Variants in P2RX3 observed in about 807,000 individuals in gnomAD.
The protein encoded by P2RX3 is purinergic receptor P2X 3, also known as P2X purinoceptor 3.
P2RX3 carries 41 observed loss-of-function variants against 51.5 expected under a neutral mutation model. The observed-to-expected ratio is 0.80, with a 90% CI of 0.62 to 1.03. The LOEUF (loss-of-function observed/expected upper bound fraction) is 1.03, where lower values mean the gene tolerates loss of function less well. Among genes scored for constraint, P2RX3 ranks in the 50% least tolerant of loss-of-function variants. The pLI, the probability that P2RX3 is intolerant of heterozygous loss-of-function variation, is 0.00. For synonymous variants in P2RX3, 185 were observed against 191.6 expected, an observed-to-expected ratio of 0.97 and a Z score of 0.29; for missense variants, 459 against 522.1, an observed-to-expected ratio of 0.88 and a Z score of 1.18.
At chr11:57,368,203 G>T in intron 9 of P2RX3, 101 bp downstream of exon 9, 1 of 1,375,770 alleles carries the variant, frequency 7.3e-7, no homozygotes, top group Non-Finnish European at 1.0e-6. Context: ...GTCTGCTGCT[G>T]GCCAGCTTTG....
rs911735535 is a variant in P2RX3, at chr11:57,347,966, G to A, written c.392-204G>A. 1.3e-5 allele frequency among the ~76,000 whole-genome samples: 2 copies of A among 152,180 alleles called. 1 individual carries two copies. The highest frequency in any genetic ancestry group is 4.1e-4 in the South Asian group (2 of 4,832). On this transcript the variant is annotated intron_variant, in intron 4 of 11. Transcript: ENST00000263314. ...GTCCTCAGGGTTGCTGGGGCTCGGAGCACATGAAAGGAAGGCTGTCACCTC... is the reference window on the plus strand; with the variant it reads ...GTCCTCAGGGTTGCTGGGGCTCGGAACACATGAAAGGAAGGCTGTCACCTC...
intron 1 of P2RX3, among the ~76,000 whole-genome samples, chr11:57,340,985 G>A (rs1856329107): frequency 6.6e-6 from 1 of 152,166 alleles, no homozygotes; most frequent in Non-Finnish European, 1.5e-5. Flanking sequence ...ACGGTGGATG[G>A]GAACACACAC....
At chr11:57,360,814 A>AAG (rs1491084774) in intron 8 of P2RX3, among the ~76,000 whole-genome samples, 1 of 151,188 alleles carries the variant, frequency 6.6e-6, no homozygotes, top group East Asian at 1.9e-4. Flanking sequence ...AAAGAAAAAA[A>AAG]GAAAGAAAAA....
Position 57,350,978 on chromosome 11 carries a change from C to T in P2RX3, c.842+80C>T. ...AATGTTTATTGGGGAGACAAGATCCCACATCCATCCACCCACCCCTGGCCC... is the reference window on the plus strand; with the variant it reads ...AATGTTTATTGGGGAGACAAGATCCTACATCCATCCACCCACCCCTGGCCC... On this transcript the variant is annotated intron_variant, in intron 8 of 11. Transcript: ENST00000263314. 14 of 1,587,002 alleles carry T rather than the reference C, an allele frequency of 8.8e-6. No homozygotes were observed. The South Asian group carries it at 1.6e-4, about 18-fold the overall frequency.
intron 10 of P2RX3, among the ~76,000 whole-genome samples, chr11:57,368,818 C>G (rs10896611): frequency 0.36 from 54,302 of 151,992 alleles, 11,699 homozygotes; most frequent in East Asian, 0.65. Flanking sequence ...GGGACTTCCA[C>G]CCTTCCACCC....
At chr11:57,342,670 G>T (rs1856362794) in intron 1 of P2RX3, among the ~76,000 whole-genome samples, 1 of 152,120 alleles carries the variant, frequency 6.6e-6, no homozygotes, top group African/African-American at 2.4e-5. Flanking sequence ...CTCCCTGGGA[G>T]TTATAGGGAG....
intron 8 of P2RX3, among the ~76,000 whole-genome samples, chr11:57,356,823 C>T (rs1314744104): frequency 6.6e-6 from 1 of 152,216 alleles, no homozygotes; most frequent in Non-Finnish European, 1.5e-5. Flanking sequence ...TTTTCTTCAT[C>T]ATTTTTAGGT....
At chr11:57,349,298 CAAA>C (rs34340558) in intron 6 of P2RX3, among the ~76,000 whole-genome samples, 6 of 122,634 alleles carry the variant, frequency 4.9e-5, no homozygotes, top group Admixed American at 8.3e-5. Flanking sequence ...CTGTCTGTAC[CAAA>C]AAAAAAAAAA....
intron 1 of P2RX3, among the ~76,000 whole-genome samples, chr11:57,344,468 G>A (rs948660533): frequency 6.6e-6 from 1 of 152,210 alleles, no homozygotes; most frequent in Non-Finnish European, 1.5e-5. Context: ...GGAGGCCAAG[G>A]CAGGCAGATC....
chr11:57,370,066 G>GC lies in P2RX3; in HGVS notation c.*69_*70insC, dbSNP rs1162364344. 5.2e-6 allele frequency: 5 copies of GC among 963,128 alleles called. No individual in the cohort carries two copies. In the East Asian group the frequency reaches 8.7e-5, roughly 17 times the overall value. 59.7% of individuals were successfully genotyped at this position (963,128 alleles called of 1,614,324 possible). A position where few individuals can be genotyped will look rare whatever the true frequency, so the allele number is the denominator to read the frequency against. ...CCCACAGAGGACCCTGCCTGAGCAAGGGGCATGGGAGGGAAGAGGGGCTCT... is the reference window on the plus strand; with the variant it reads ...CCCACAGAGGACCCTGCCTGAGCAAGCGGGCATGGGAGGGAAGAGGGGCTCT... On this transcript the variant is annotated 3_prime_UTR_variant, in exon 12 of 12. Coordinates refer to ENST00000263314, the MANE Select transcript of P2RX3 (RefSeq NM_002559.5).
upstream of P2RX3, chr11:57,335,993 A>G (rs1039078481): frequency 6.6e-6 from 1 of 152,182 alleles, no homozygotes; most frequent in Non-Finnish European, 1.5e-5. The surrounding 1 kb of genome is among the most constrained non-coding windows in gnomAD (Gnocchi z 4.6). Flanking sequence ...GTTGCCGTGA[A>G]GCCTCTCTCA....
At position 57,370,362 on chromosome 11, in the gene P2RX3, A is replaced by C; in HGVS notation, c.*365A>C. 1.1e-5 allele frequency: 2 copies of C among 188,116 alleles called. No individual in the cohort carries two copies. Among genetic ancestry groups the C allele is most frequent in the East Asian group, 1.4e-4 (1 of 6,918 alleles). The allele number at this position is 188,116 out of a possible 1,614,324, so 11.7% of individuals were successfully genotyped here. On this transcript the variant is annotated 3_prime_UTR_variant, in exon 12 of 12. Coordinates refer to ENST00000263314, the MANE Select transcript of P2RX3 (RefSeq NM_002559.5). ...GTTATCTCATTTAATCCTTAGAATA[A>C]TCCTATGAGGTAGATATTAGTTTCC...
chr11:57,348,676 A>G lies in P2RX3; in HGVS notation c.535A>G (p.Ile179Val). The G allele has an allele frequency of 6.2e-7, 1 of 1,613,878 alleles. No individual in the cohort carries two copies. The highest frequency in any genetic ancestry group is 8.5e-7 in the Non-Finnish European group (1 of 1,179,942). The change falls in exon 6 of 12, where the codon ATC becomes GTC. Residue 179 changes from isoleucine to valine, a missense_variant. Coordinates refer to ENST00000263314, the MANE Select transcript of P2RX3 (RefSeq NM_002559.5). Reference sequence around the variant, plus strand: ...CTTCACTATTTTCATCAAGAACAGCATCCGTTTCCCCCTCTTCAACTTTGA... The same window carrying G: ...CTTCACTATTTTCATCAAGAACAGCGTCCGTTTCCCCCTCTTCAACTTTGA... ...ENFTIFIKNSIRFPLFNFEKG... is the reference protein window; with the variant it reads ...ENFTIFIKNSVRFPLFNFEKG...
At chr11:57,345,114 T>G (rs1856408758) in intron 1 of P2RX3, among the ~76,000 whole-genome samples, 2 of 152,214 alleles carry the variant, frequency 1.3e-5, no homozygotes, top group African/African-American at 2.4e-5. Flanking sequence ...CTCGCCCACC[T>G]CCTTATAGAA....
chr11:57,348,685 C>T lies in P2RX3; in HGVS notation c.544C>T (p.Pro182Ser), dbSNP rs1180051354. ...TTTCATCAAGAACAGCATCCGTTTC[C>T]CCCTCTTCAACTTTGAGAAGTGAGT... is the stretch of plus-strand genomic sequence containing the variant. Reference protein sequence around the residue: ...TIFIKNSIRFPLFNFEKGNLL... With the variant: ...TIFIKNSIRFSLFNFEKGNLL... The change falls in exon 6 of 12, where the codon CCC becomes TCC. Residue 182 changes from proline to serine, a missense_variant. Physicochemically the swap from Pro to Ser is moderately conservative, Grantham distance 74. Coordinates refer to ENST00000263314, the MANE Select transcript of P2RX3 (RefSeq NM_002559.5). 5 of 1,613,470 alleles carry T rather than the reference C, an allele frequency of 3.1e-6. No homozygotes were observed. The highest frequency in any genetic ancestry group is 3.4e-6 in the Non-Finnish European group (4 of 1,179,844).
Position 57,369,374 on chromosome 11 carries a change from G to A in P2RX3, c.1016G>A (p.Cys339Tyr), listed in dbSNP as rs1359821710. 3.1e-6 allele frequency: 5 copies of A among 1,610,622 alleles called. No homozygotes were observed. Among genetic ancestry groups the A allele is most frequent in the Non-Finnish European group, 4.2e-6 (5 of 1,178,612 alleles). The change falls in exon 11 of 12, where the codon TGT (cysteine) becomes TAT (tyrosine). Residue 339 changes from cysteine to tyrosine, a missense_variant. Cys to Tyr is a radical substitution (Grantham distance 194). Coordinates refer to ENST00000263314, the MANE Select transcript of P2RX3 (RefSeq NM_002559.5). ...FTSVGVGTVL[C>Y]DIILLNFLKG... ...CTCCTCCTCCAGGGAACTGTTCTCT[G>A]TGACATCATCCTGCTCAACTTCCTC...
At chr11:57,346,372 G>A (rs774782503) in intron 1 of P2RX3, among the ~76,000 whole-genome samples, 172 bp from the exon 2 acceptor site, 2 of 152,196 alleles carry the variant, frequency 1.3e-5, no homozygotes, top group Non-Finnish European at 2.9e-5. Context: ...GTGGAGAAAC[G>A]CTATTCTAAG....
intron 6 of P2RX3, among the ~76,000 whole-genome samples, 163 bp downstream of exon 6, chr11:57,348,867 G>A (rs1266560386): frequency 1.3e-5 from 2 of 152,120 alleles, no homozygotes; most frequent in Non-Finnish European, 2.9e-5. Context: ...GCGGGCCTTG[G>A]CCACTGAGGA....
chr11:57,351,360 G>A (rs970429117), intron 8 of P2RX3, among the ~76,000 whole-genome samples: 9 of 152,164 alleles, frequency 5.9e-5, no homozygotes, highest in Non-Finnish European at 1.0e-4. Flanking sequence ...ATTTCTCTCC[G>A]CAAACGTGTG....
Sources: gnomAD v4.1 joint callset for allele counts (sites outside exome capture counted in the v4.1 genomes callset) on GRCh38, gnomAD v4.1.1 for gene constraint, Gnocchi (gnomAD v3.1) non-coding constraint, MANE v1.5 for transcripts, NCBI Gene and HGNC (gene_info 2026-07-23, HGNC 2026-07-21) for gene names.